The following NUP93 variants were observed in gnomAD, a reference collection of about 807,000 sequenced individuals.
NUP93 encodes nucleoporin 93, also known as nuclear pore complex protein Nup93.
A neutral mutation model predicts 107.8 loss-of-function variants in NUP93; 55 were observed. The observed-to-expected ratio is 0.51, with a 90% confidence interval of 0.41 to 0.64. The LOEUF (loss-of-function observed/expected upper bound fraction) is 0.64, where lower values mean the gene tolerates loss of function less well. Among genes scored for constraint, NUP93 ranks in the 30% least tolerant of loss-of-function variants. NUP93 has a pLI of 0.00. For synonymous variants in NUP93, 390 were observed against 397.5 expected, an observed-to-expected ratio of 0.98 and a Z score of 0.22; for missense variants, 937 against 1,044.7, an observed-to-expected ratio of 0.90 and a Z score of 1.42.
At chr16:56,790,719 A>G (rs1962741818) in intron 3 of NUP93, among the ~76,000 whole-genome samples, 1 of 152,224 alleles carries the variant, frequency 6.6e-6, no homozygotes, top group Non-Finnish European at 1.5e-5. Flanking sequence ...GTAATGGTAC[A>G]ACTTACATTC....
chr16:56,753,607 A>G (rs1407599515), intron 2 of NUP93, among the ~76,000 whole-genome samples: 2 of 152,310 alleles, frequency 1.3e-5, no homozygotes, highest in South Asian at 2.1e-4. Flanking sequence ...GGTGATTCAT[A>G]TGCACTTTTT....
intron 4 of NUP93, among the ~76,000 whole-genome samples, chr16:56,801,469 A>T (rs1429189739): frequency 6.6e-6 from 1 of 152,094 alleles, no homozygotes; most frequent in Non-Finnish European, 1.5e-5. Flanking sequence ...CTGGAGTGTA[A>T]TGGTGTGATC....
chr16:56,739,083 A>G (rs1172054671), intron 1 of NUP93, among the ~76,000 whole-genome samples: 24 of 148,608 alleles, frequency 1.6e-4, no homozygotes, highest in Non-Finnish European at 9.0e-5. Flanking sequence ...TTCTTAGTGC[A>G]GAACAAAATG....
chr16:56,763,503 GGTGTGTGTGTGTATGTGTGGGTGTGT>G (rs1306347129), intron 3 of NUP93, among the ~76,000 whole-genome samples: 6 of 150,122 alleles, frequency 4.0e-5, no homozygotes, highest in African/African-American at 1.2e-4. Context: ...TGTGTGGGTG[GGTGTGTGTGTGTATGTGTGGGTGTGT>G]GTGTGTGTGT....
chr16:56,811,289 A>G (rs1291112820), intron 5 of NUP93, among the ~76,000 whole-genome samples: 1 of 152,182 alleles, frequency 6.6e-6, no homozygotes, highest in Non-Finnish European at 1.5e-5. Context: ...CTGTCTTTTT[A>G]AATTTAACCA....
intron 3 of NUP93, among the ~76,000 whole-genome samples, chr16:56,761,106 T>A (rs1962118552): frequency 6.6e-6 from 1 of 152,234 alleles, no homozygotes; most frequent in Non-Finnish European, 1.5e-5. Flanking sequence ...AGTTTAAGGC[T>A]TACTAGTTTT....
chr16:56,792,875 G>A (rs1567390717), intron 3 of NUP93, among the ~76,000 whole-genome samples: 1 of 152,104 alleles, frequency 6.6e-6, no homozygotes, highest in Non-Finnish European at 1.5e-5. Flanking sequence ...TCTTCCCTAA[G>A]TATCTCAGAA....
intron 15 of NUP93, 62 bp from the exon 16 acceptor site, chr16:56,834,672 G>T: frequency 6.9e-7 from 1 of 1,454,868 alleles, no homozygotes; most frequent in East Asian, 2.3e-5. Context: ...TTTCTCTGAA[G>T]ACTTATGGAA....
At chr16:56,844,451 G>A (rs1405523427) in intron 21 of NUP93, 48 bp from the exon 22 acceptor site, 1 of 1,161,106 alleles carries the variant, frequency 8.6e-7, no homozygotes, top group African/African-American at 1.6e-5. Flanking sequence ...ATAGTGCCCT[G>A]ACTCGAAAGT....
At chr16:56,770,088 A>G (rs1290072567) in intron 3 of NUP93, among the ~76,000 whole-genome samples, 1 of 152,226 alleles carries the variant, frequency 6.6e-6, no homozygotes, top group Admixed American at 6.5e-5. Flanking sequence ...ATGTCTTGCA[A>G]ACTGGTACTC....
chr16:56,833,716 A>G lies in NUP93; in HGVS notation c.1537+310A>G, dbSNP rs1963850906. Among the ~76,000 whole-genome samples the G allele has an allele frequency of 2.0e-5, 3 of 152,014 alleles. No homozygotes were observed. In the South Asian group the frequency reaches 6.2e-4, roughly 32 times the overall value. On this transcript the variant is annotated intron_variant, in intron 13 of 21. Transcript: ENST00000308159. The stretch of plus-strand genomic sequence containing the variant: ...TAGAGTTATGGGTCTGATTCCCATT[A>G]GGGCTGGCTTTAATGACATTGGAAA...
At position 56,809,458 on chromosome 16, in the gene NUP93, G is replaced by A. The variant is rs370285325; in HGVS notation, c.489+3826G>A. Among the ~76,000 whole-genome samples the A allele has an allele frequency of 1.8e-3, 277 of 152,170 alleles. 1 individual carries two copies. The highest frequency in any genetic ancestry group is 5.2e-3 in the African/African-American group (217 of 41,512). On this transcript the variant is annotated intron_variant, in intron 5 of 21. Coordinates refer to ENST00000308159, the MANE Select transcript of NUP93 (RefSeq NM_014669.5). ...TTTAGAGGTGAAGATTTAAAATTAC[G>A]TTACAAAAATTATGGTGCTAGGTGT...
rs1422407466 is a variant in NUP93 at position 56,811,691 on chromosome 16, G to A, written c.489+6059G>A. ...TCACCATATTGGCCAGGCTGGTCTC[G>A]AACTCCTGACCTCAAGTGATCTGCC... On this transcript the variant is annotated intron_variant, in intron 5 of 21. Coordinates refer to ENST00000308159, the MANE Select transcript of NUP93 (RefSeq NM_014669.5). Among the ~76,000 whole-genome samples, 4 of 151,938 alleles carry A rather than the reference G, an allele frequency of 2.6e-5. No homozygotes were observed. In the East Asian group the frequency reaches 7.7e-4, roughly 29 times the overall value.
Position 56,831,851 on chromosome 16 carries a change from A to T in NUP93, c.1095A>T (p.Pro365=). 1.2e-6 allele frequency: 2 copies of T among 1,613,972 alleles called. No individual in the cohort carries two copies. Among genetic ancestry groups the T allele is most frequent in the Non-Finnish European group, 1.7e-6 (2 of 1,179,958 alleles). Residue 365 remains proline, a synonymous_variant, in exon 11 of 22, where the codon CCA becomes CCT. Coordinates refer to ENST00000308159, the MANE Select transcript of NUP93 (RefSeq NM_014669.5). ...TCCCTTATGTCTGTAGATTGTCCCC[A>T]GCTACGGAAAACAAGCTCCGGCTGC... is the stretch of plus-strand genomic sequence containing the variant. The part of the protein sequence containing the change: ...YMNSKDRRLS[P]ATENKLRLHY...
At chr16:56,822,752 C>T (rs1017169073) in intron 7 of NUP93, among the ~76,000 whole-genome samples, 1 of 151,614 alleles carries the variant, frequency 6.6e-6, no homozygotes, top group Non-Finnish European at 1.5e-5. Context: ...TTGGTAGAGA[C>T]GGGGTTTCAC....
chr16:56,773,223 G>A (rs1962354181), intron 3 of NUP93, among the ~76,000 whole-genome samples: 1 of 152,224 alleles, frequency 6.6e-6, no homozygotes, highest in Non-Finnish European at 1.5e-5. Flanking sequence ...CCAAGGAAAA[G>A]AAGACATTTG....
rs1398792202 is a variant in NUP93, at chr16:56,844,482, C to T, written c.2350-17C>T. 1.4e-6 allele frequency: 2 copies of T among 1,400,774 alleles called. No individual in the cohort carries two copies. Among genetic ancestry groups the T allele is most frequent in the Admixed American group, 2.5e-5 (1 of 39,438 alleles). 86.8% of individuals were successfully genotyped at this position (1,400,774 alleles called of 1,614,324 possible). On this transcript the variant is annotated splice_polypyrimidine_tract_variant and intron_variant, in intron 21 of 21. Transcript: ENST00000308159. ...AAAGTTAACCGATTTCCTTCCCTTC[C>T]TTCCCTTCTCTCTCAGCAACTCCGA...
chr16:56,795,702 A>G (rs1382503545), intron 3 of NUP93, among the ~76,000 whole-genome samples: 1 of 151,564 alleles, frequency 6.6e-6, no homozygotes. Context: ...GCTGGAGTGC[A>G]GTGGCGTGAC....
chr16:56,744,448 A>G (rs1961789462), intron 1 of NUP93, among the ~76,000 whole-genome samples: 1 of 152,206 alleles, frequency 6.6e-6, no homozygotes, highest in Non-Finnish European at 1.5e-5. Flanking sequence ...CAAAGTATAG[A>G]TTTAATTGCA....
Sources: allele counts gnomAD v4.1 joint callset (sites outside exome capture counted in the v4.1 genomes callset), GRCh38; gene constraint gnomAD v4.1.1; transcripts MANE v1.5; gene names NCBI Gene and HGNC (gene_info 2026-07-23, HGNC 2026-07-21).